Variants in FHIT observed in about 807,000 individuals in gnomAD.
FHIT encodes the protein bis(5'-adenosyl)-triphosphatase.
A neutral mutation model predicts 17.9 loss-of-function variants in FHIT; 19 were observed. The observed-to-expected ratio is 1.06, with a 90% confidence interval of 0.74 to 1.56. FHIT has a LOEUF of 1.56. Among genes scored for constraint, FHIT ranks in the 40% most tolerant of loss-of-function variants. FHIT has a pLI of 0.00. For missense variants in FHIT, 248 were observed against 189.2 expected (o/e 1.31, Z -1.82); for synonymous variants, 81 against 69.7 (o/e 1.16, Z -0.81).
At chr3:60,518,775 G>A (rs890110799) in intron 5 of FHIT, among the ~76,000 whole-genome samples, 1 of 152,212 alleles carries the variant, frequency 6.6e-6, no homozygotes, top group African/African-American at 2.4e-5. Flanking sequence ...ATGGGAGGCA[G>A]AGGCAGGCAG....
intron 1 of FHIT, among the ~76,000 whole-genome samples, chr3:61,248,697 G>A (rs1271819779): frequency 6.6e-6 from 1 of 152,160 alleles, no homozygotes; most frequent in African/African-American, 2.4e-5. Flanking sequence ...AAATAAAGAT[G>A]GGGACACAAA....
chr3:60,968,537 C>T (rs1175074969), intron 3 of FHIT, among the ~76,000 whole-genome samples: 1 of 151,618 alleles, frequency 6.6e-6, no homozygotes, highest in Non-Finnish European at 1.5e-5. Flanking sequence ...TTCAGCCTCC[C>T]GTGTAGCTGG....
At chr3:60,805,945 CA>C (rs1217130678) in intron 4 of FHIT, among the ~76,000 whole-genome samples, 1 of 152,032 alleles carries the variant, frequency 6.6e-6, no homozygotes, top group Non-Finnish European at 1.5e-5. Context: ...TGTATCAATT[CA>C]GGGGAATACA....
At chr3:60,416,188 A>G (rs1227147331) in intron 5 of FHIT, among the ~76,000 whole-genome samples, 1 of 152,066 alleles carries the variant, frequency 6.6e-6, no homozygotes, top group Non-Finnish European at 1.5e-5. Context: ...AAATATCACA[A>G]AATTCCCCAT....
chr3:59,753,611 T>C (rs778755613), intron 8 of FHIT, among the ~76,000 whole-genome samples: 1 of 152,244 alleles, frequency 6.6e-6, no homozygotes, highest in Non-Finnish European at 1.5e-5. Flanking sequence ...TTGTGTTATG[T>C]GTTAAAAGTC....
At chr3:60,720,997 T>A (rs2107963436) in intron 4 of FHIT, among the ~76,000 whole-genome samples, 1 of 152,300 alleles carries the variant, frequency 6.6e-6, no homozygotes, top group African/African-American at 2.4e-5. Context: ...TGGTAACACG[T>A]GAAGATGACT....
intron 5 of FHIT, among the ~76,000 whole-genome samples, chr3:60,479,183 T>C (rs1038595954): frequency 4.6e-5 from 7 of 152,176 alleles, no homozygotes; most frequent in African/African-American, 1.7e-4. Context: ...AGAAAGAAAA[T>C]ATGACTTTGT....
chr3:60,904,231 C>T (rs2107236736), intron 3 of FHIT, among the ~76,000 whole-genome samples: 1 of 152,234 alleles, frequency 6.6e-6, no homozygotes, highest in South Asian at 2.1e-4. Context: ...ATCTTCCTGC[C>T]TAGGAGAGAT....
intron 4 of FHIT, among the ~76,000 whole-genome samples, chr3:60,629,731 G>A (rs1481888700): frequency 6.6e-6 from 1 of 152,090 alleles, no homozygotes; most frequent in East Asian, 1.9e-4. Flanking sequence ...CTTTTGTTCT[G>A]TTGTCCCCAC....
chr3:60,628,670 G>C (rs1262752552), intron 4 of FHIT, among the ~76,000 whole-genome samples: 1 of 152,066 alleles, frequency 6.6e-6, no homozygotes, highest in African/African-American at 2.4e-5. Context: ...GTAATCGATG[G>C]GTTAGCTTGT....
chr3:59,864,644 G>A (rs1052427076), intron 8 of FHIT, among the ~76,000 whole-genome samples: 1 of 151,422 alleles, frequency 6.6e-6, no homozygotes, highest in Non-Finnish European at 1.5e-5. Context: ...AGGTTAACAC[G>A]ACTTGCAGTT....
At chr3:60,568,809 G>C (rs1018297369) in intron 4 of FHIT, among the ~76,000 whole-genome samples, 4 of 151,908 alleles carry the variant, frequency 2.6e-5, no homozygotes, top group Admixed American at 1.3e-4. Flanking sequence ...TTTTTAACAG[G>C]AGCACATACT....
In FHIT at chr3:60,759,967, C is replaced by T. The variant is rs187312848; in HGVS notation, c.-18+61952G>A. Among the ~76,000 whole-genome samples, 13 of 151,546 alleles carry T rather than the reference C, an allele frequency of 8.6e-5. 1 individual carries two copies. The highest frequency in any genetic ancestry group is 2.6e-4 in the Admixed American group (4 of 15,184). ...CCTTTTTTCCTTCCTTCCTGCTTGC[C>T]TTTCTCCCTTCTTTTCTTTCTTCCT... is the stretch of plus-strand genomic sequence containing the variant. On this transcript the variant is annotated intron_variant, in intron 4 of 9. Coordinates refer to ENST00000492590, the MANE Select transcript of FHIT (RefSeq NM_002012.4).
intron 2 of FHIT, among the ~76,000 whole-genome samples, chr3:61,054,541 G>A (rs562454203): frequency 7.9e-5 from 12 of 152,148 alleles, no homozygotes; most frequent in South Asian, 6.2e-4. Context: ...ACAAGCTTTC[G>A]TTTTTGACCA....
At chr3:61,220,518 G>T (rs1277157883) in intron 1 of FHIT, among the ~76,000 whole-genome samples, 7 of 152,086 alleles carry the variant, frequency 4.6e-5, no homozygotes, top group African/African-American at 1.7e-4. Context: ...GATACATTTA[G>T]AGTCCAGGGA....
At chr3:59,913,701 G>A (rs953750454) in intron 8 of FHIT, among the ~76,000 whole-genome samples, 1 of 152,112 alleles carries the variant, frequency 6.6e-6, no homozygotes, top group Admixed American at 6.5e-5. Context: ...GCGAACTATA[G>A]TTGTTTATGA....
chr3:61,113,294 G>T (rs2036212435), intron 2 of FHIT, among the ~76,000 whole-genome samples: 7 of 152,122 alleles, frequency 4.6e-5, no homozygotes. Flanking sequence ...ATAGGTATGA[G>T]CCACCATGTC....
At chr3:60,348,843 C>T (rs1267732870) in intron 5 of FHIT, among the ~76,000 whole-genome samples, 2 of 152,174 alleles carry the variant, frequency 1.3e-5, no homozygotes, top group East Asian at 1.9e-4. Context: ...TTAGAACATG[C>T]CAGGGATAGC....
At chr3:60,729,198 C>T (rs7636357) in intron 4 of FHIT, among the ~76,000 whole-genome samples, 93,002 of 152,066 alleles carry the variant, frequency 0.61, 28,695 homozygotes, top group East Asian at 0.81. Flanking sequence ...CTTTAACCTT[C>T]TGGCTTCAGA....
Sources: allele counts gnomAD v4.1 joint callset (sites outside exome capture counted in the v4.1 genomes callset), GRCh38; gene constraint gnomAD v4.1.1; transcripts MANE v1.5; gene names NCBI Gene and HGNC (gene_info 2026-07-23, HGNC 2026-07-21).